The following LATS1 variants were observed in gnomAD, a reference collection of about 807,000 sequenced individuals.
LATS1 encodes the protein serine/threonine-protein kinase LATS1.
LATS1 carries 25 observed loss-of-function variants against 106.6 expected under a neutral mutation model. That is an observed-to-expected ratio of 0.23 (90% CI 0.17 to 0.33). The LOEUF (loss-of-function observed/expected upper bound fraction) is 0.33, where lower values mean the gene tolerates loss of function less well. Ranked by LOEUF, LATS1 falls within the 10% of genes least tolerant of loss-of-function variation. The pLI, the probability that LATS1 is intolerant of heterozygous loss-of-function variation, is 1.00. For synonymous variants in LATS1, 465 were observed against 455.6 expected, an observed-to-expected ratio of 1.02 and a Z score of -0.26; for missense variants, 1,040 against 1,382.6, an observed-to-expected ratio of 0.75 and a Z score of 3.93.
At chr6:149,687,104 T>C (rs895434810) in intron 3 of LATS1, among the ~76,000 whole-genome samples, 1 of 151,938 alleles carries the variant, frequency 6.6e-6, no homozygotes, top group Admixed American at 6.6e-5. Flanking sequence ...TATTTTTTTT[T>C]TTTTGAGACA....
chr6:149,681,333 T>C (rs1782024850), intron 4 of LATS1, among the ~76,000 whole-genome samples: 1 of 152,200 alleles, frequency 6.6e-6, no homozygotes, highest in African/African-American at 2.4e-5. Context: ...GGTCTAATTC[T>C]AGAAATACAA....
intron 4 of LATS1, chr6:149,682,782 C>A: frequency 2.9e-6 from 1 of 342,468 alleles, no homozygotes; most frequent in Non-Finnish European, 5.2e-6. Context: ...AGAAGACAAC[C>A]CTTCCTCCAA....
At chr6:149,690,428 G>C (rs1782676336) in intron 3 of LATS1, among the ~76,000 whole-genome samples, 1 of 151,772 alleles carries the variant, frequency 6.6e-6, no homozygotes, top group Non-Finnish European at 1.5e-5. Context: ...GGTCAGGCTG[G>C]TCTCGAACTC....
At chr6:149,678,705 T>A (rs1002601011) in intron 5 of LATS1, among the ~76,000 whole-genome samples, 1 of 152,184 alleles carries the variant, frequency 6.6e-6, no homozygotes, top group African/African-American at 2.4e-5. Flanking sequence ...CTTGGAGGGA[T>A]CTTGGTGAGG....
Position 149,695,791 on chromosome 6 carries a change from T to A in LATS1, c.349-570A>T, listed in dbSNP as rs965989954. Among the ~76,000 whole-genome samples, 6 of 152,324 alleles carry A rather than the reference T, an allele frequency of 3.9e-5. No individual in the cohort carries two copies. The East Asian group carries it at 7.7e-4, about 20-fold the overall frequency. On this transcript the variant is annotated intron_variant, in intron 2 of 7. Coordinates refer to ENST00000543571, the MANE Select transcript of LATS1 (RefSeq NM_004690.4). The stretch of plus-strand genomic sequence containing the variant: ...TCCTCCTAGGATTAACGTCTTTTTT[T>A]AAAGTATTTTTAAATTTTTATTTTT...
chr6:149,691,923 C>G (rs115532629), intron 3 of LATS1, among the ~76,000 whole-genome samples: 2 of 152,156 alleles, frequency 1.3e-5, no homozygotes, highest in Non-Finnish European at 2.9e-5. Context: ...TCTACCATCA[C>G]GCACCATATG....
chr6:149,699,338 C>T (rs1393501873), intron 2 of LATS1, among the ~76,000 whole-genome samples: 1 of 152,094 alleles, frequency 6.6e-6, no homozygotes, highest in Non-Finnish European at 1.5e-5. Context: ...CTCTGCCCAG[C>T]CACCTCACAG....
At chr6:149,708,313 G>T (rs1783897521) in intron 1 of LATS1, among the ~76,000 whole-genome samples, 1 of 151,864 alleles carries the variant, frequency 6.6e-6, no homozygotes, top group Admixed American at 6.6e-5. Flanking sequence ...TACTCGGAAG[G>T]CTGAGGCAGG....
Position 149,680,404 on chromosome 6 carries a change from T to C in LATS1, c.2064A>G (p.Lys688=). The change falls in exon 5 of 8, where the codon AAA becomes AAG. Residue 688 remains lysine, a synonymous_variant. Coordinates refer to ENST00000543571, the MANE Select transcript of LATS1 (RefSeq NM_004690.4). ...TTTTAAGACGGATGTAATTAGATTCTTTTTGGCAAAGCATCTTTCTCATTT... is the reference window on the plus strand; with the variant it reads ...TTTTAAGACGGATGTAATTAGATTCCTTTTGGCAAAGCATCTTTCTCATTT... ...QDQMRKMLCQ[K]ESNYIRLKRA... is the part of the protein sequence containing the mutation. 1.2e-6 allele frequency: 2 copies of C among 1,613,516 alleles called. No individual in the cohort carries two copies. The highest frequency in any genetic ancestry group is 1.7e-6 in the Non-Finnish European group (2 of 1,179,780).
At chr6:149,697,196 A>C (rs1783150547) in intron 2 of LATS1, 1 of 1,230,758 alleles carries the variant, frequency 8.1e-7, no homozygotes, top group Non-Finnish European at 1.1e-6. Context: ...CCTATATGAA[A>C]TGATAAGAGA....
rs746738207 is a variant in LATS1, at chr6:149,660,628, T to G, written c.*1101A>C. The G allele has an allele frequency of 4.3e-6, 1 of 232,166 alleles. No homozygotes were observed. 14.4% of individuals were successfully genotyped at this position (232,166 alleles called of 1,614,324 possible). A position where few individuals can be genotyped will look rare whatever the true frequency, so the allele number is the denominator to read the frequency against. On this transcript the variant is annotated 3_prime_UTR_variant, in exon 8 of 8. Transcript: ENST00000543571. ...ACCTAAGCGTTATACATAACAGGCA[T>G]GTTGAACGCATTATTGAACCTTAAA...
chr6:149,695,494 T>TA (rs1172850084), intron 2 of LATS1, among the ~76,000 whole-genome samples: 1 of 152,038 alleles, frequency 6.6e-6, no homozygotes, highest in Non-Finnish European at 1.5e-5. Context: ...ACCAACATGG[T>TA]AAAAAACCCA....
intron 3 of LATS1, among the ~76,000 whole-genome samples, chr6:149,688,369 C>T (rs765794731): frequency 6.6e-6 from 1 of 151,620 alleles, no homozygotes; most frequent in Non-Finnish European, 1.5e-5. Context: ...AATGCAATGG[C>T]GCAATCTCAG....
At position 149,660,051 on chromosome 6, in the gene LATS1, A is replaced by G. The variant is rs1780830335; in HGVS notation, c.*1678T>C. On this transcript the variant is annotated 3_prime_UTR_variant, in exon 8 of 8. Transcript: ENST00000543571. ...AAGTTAAAAACAAAGTTCTTAGTTT[A>G]ATGTATCAATTTTCTCATGGCACAG... The G allele has an allele frequency of 4.3e-6, 1 of 232,458 alleles. No individual in the cohort carries two copies. 14.4% of individuals were successfully genotyped at this position (232,458 alleles called of 1,614,324 possible). A position where few individuals can be genotyped will look rare whatever the true frequency, so the allele number is the denominator to read the frequency against.
chr6:149,681,076 A>C (rs1472820335), intron 4 of LATS1, among the ~76,000 whole-genome samples: 2 of 152,278 alleles, frequency 1.3e-5, no homozygotes, highest in Non-Finnish European at 2.9e-5. Flanking sequence ...TACCACTAAC[A>C]CAAATTGCAA....
intron 7 of LATS1, among the ~76,000 whole-genome samples, chr6:149,674,643 G>T (rs1325566277): frequency 6.7e-6 from 1 of 150,104 alleles, no homozygotes; most frequent in Non-Finnish European, 1.5e-5. Context: ...CAAAGTGTTG[G>T]GATTACAGGT....
chr6:149,666,474 C>G (rs570498192), intron 7 of LATS1, among the ~76,000 whole-genome samples: 1 of 151,104 alleles, frequency 6.6e-6, no homozygotes, highest in Admixed American at 6.6e-5. Flanking sequence ...AAAAATTACC[C>G]GGGTGTGGTG....
chr6:149,671,472 T>G (rs537233396), intron 7 of LATS1, among the ~76,000 whole-genome samples: 1 of 152,096 alleles, frequency 6.6e-6, no homozygotes, highest in East Asian at 1.9e-4. Flanking sequence ...ACCAGTTTTT[T>G]CAATACCATT....
intron 2 of LATS1, 52 bp from the exon 3 acceptor site, chr6:149,695,273 T>A (rs187064885): frequency 8.1e-7 from 1 of 1,235,456 alleles, no homozygotes; most frequent in East Asian, 2.4e-5. Context: ...AATCTTACAA[T>A]AATACAAGGG....
Sources: gnomAD v4.1 joint callset for allele counts (sites outside exome capture counted in the v4.1 genomes callset) on GRCh38, gnomAD v4.1.1 for gene constraint, MANE v1.5 for transcripts, NCBI Gene and HGNC (gene_info 2026-07-23, HGNC 2026-07-21) for gene names.